Variants in C11orf65 observed in about 807,000 individuals in gnomAD.
The protein encoded by C11orf65 is protein MFI.
In C11orf65, 38 loss-of-function variants were observed where a neutral mutation model predicts 35.3. The observed-to-expected ratio is 1.08, with a 90% confidence interval of 0.83 to 1.41. The LOEUF (loss-of-function observed/expected upper bound fraction) is 1.41, where lower values mean the gene tolerates loss of function less well. C11orf65 is among the 40% of genes most tolerant of loss of function. The probability of loss-of-function intolerance (pLI) is 0.00; values close to 1 mark genes in which losing one functional copy is unlikely to be tolerated. For synonymous variants in C11orf65, 105 were observed against 114.4 expected, an observed-to-expected ratio of 0.92 and a Z score of 0.53; for missense variants, 370 against 367.1, an observed-to-expected ratio of 1.01 and a Z score of -0.06.
chr11:108,409,759 GCAA>G (rs1409649552), intron 3 of C11orf65, among the ~76,000 whole-genome samples: 2 of 152,170 alleles, frequency 1.3e-5, no homozygotes, highest in Middle Eastern at 3.2e-3. Flanking sequence ...CAGATCAGCA[GCAA>G]CATTAGATTC....
chr11:108,325,666 T>C, intron 6 of C11orf65: 1 of 874,272 alleles, frequency 1.1e-6, no homozygotes, highest in Non-Finnish European at 1.7e-6. Flanking sequence ...TAATATATAG[T>C]AAAAATAATT....
intron 2 of C11orf65, among the ~76,000 whole-genome samples, chr11:108,372,433 T>C (rs1162918114): frequency 1.3e-5 from 2 of 152,222 alleles, no homozygotes; most frequent in Non-Finnish European, 2.9e-5. Flanking sequence ...ACCTCAGTGA[T>C]ATGCCCGCCT....
intron 3 of C11orf65, among the ~76,000 whole-genome samples, chr11:108,413,308 C>G (rs546027423): frequency 5.3e-5 from 8 of 152,116 alleles, no homozygotes; most frequent in African/African-American, 1.9e-4. Context: ...TACATTGTAT[C>G]CATTAACTAA....
rs369945824 is a variant in C11orf65 at position 108,406,984 on chromosome 11, A to G, written c.229-21T>C. ...TTAACCTGTAGAAGGAAAAGTTCAA[A>G]GAGCCATTGTAATGTAACTACAAAA... On this transcript the variant is annotated intron_variant, in intron 4 of 8. Coordinates refer to ENST00000393084, the MANE Select transcript of C11orf65 (RefSeq NM_152587.5). 83 of 1,586,298 alleles carry G rather than the reference A, an allele frequency of 5.2e-5. No homozygotes were observed. In the African/African-American group the frequency reaches 1.1e-3, roughly 21 times the overall value.
At chr11:108,466,356 C>A (rs1471570442) in intron 1 of C11orf65, among the ~76,000 whole-genome samples, 1 of 152,088 alleles carries the variant, frequency 6.6e-6, no homozygotes, top group Non-Finnish European at 1.5e-5. Flanking sequence ...GGCAGATCAC[C>A]TTAAGTCAGG....
chr11:108,414,247 T>C (rs1376358715), intron 3 of C11orf65, among the ~76,000 whole-genome samples: 4 of 152,060 alleles, frequency 2.6e-5, no homozygotes, highest in Non-Finnish European at 4.4e-5. Flanking sequence ...TCTAATTGAA[T>C]ACTTTATTGT....
chr11:108,348,239 TTAATA>T (rs1420250913), intron 2 of C11orf65, among the ~76,000 whole-genome samples: 3 of 151,756 alleles, frequency 2.0e-5, no homozygotes, highest in African/African-American at 4.8e-5. Flanking sequence ...TATAGACAGT[TTAATA>T]TAAAAGAAAG....
At chr11:108,370,620 T>G (rs953910992) in intron 2 of C11orf65, among the ~76,000 whole-genome samples, 1 of 151,414 alleles carries the variant, frequency 6.6e-6, no homozygotes, top group Non-Finnish European at 1.5e-5. Context: ...GGGTTTTGTT[T>G]TGTTTTTTTT....
intron 3 of C11orf65, among the ~76,000 whole-genome samples, chr11:108,430,084 G>A (rs1188803026): frequency 6.6e-6 from 1 of 151,106 alleles, no homozygotes. Context: ...GTTGGTGATG[G>A]TTACACACAT....
chr11:108,321,534 G>T, intron 6 of C11orf65: 2 of 1,493,672 alleles, frequency 1.3e-6, no homozygotes, highest in African/African-American at 1.4e-5. Context: ...TGTAATCCTA[G>T]CACTTTAGAA....
rs1262227292 is a variant in C11orf65, at chr11:108,431,856, A to G, written c.82-18T>C. ...GCGACATTCTAAAGGTTCAAACACA[A>G]GATTTCATGATCAAAACTGGATTTT... On this transcript the variant is annotated intron_variant, in intron 2 of 8. Transcript: ENST00000393084. 1 of 1,389,828 alleles carries G rather than the reference A, an allele frequency of 7.2e-7. No homozygotes were observed. Among genetic ancestry groups the G allele is most frequent in the Non-Finnish European group, 9.8e-7 (1 of 1,022,800 alleles). 86.1% of individuals were successfully genotyped at this position (1,389,828 alleles called of 1,614,324 possible).
rs2136317245 is a variant in C11orf65, at chr11:108,325,504, T to C, written c.641-16433A>G. The stretch of plus-strand genomic sequence containing the variant: ...AAGGACATTCTCACCAAACACCTTG[T>C]AGAACTCTCTATACTGGCCAGAACT... On this transcript the variant is annotated intron_variant, in intron 6 of 6. Coordinates refer to the C11orf65 transcript ENST00000525729. The C allele has an allele frequency of 1.2e-6, 2 of 1,612,930 alleles. No homozygotes were observed. The highest frequency in any genetic ancestry group is 3.3e-4 in the Middle Eastern group (2 of 6,060).
chr11:108,346,087 T>C (rs554675388), intron 2 of C11orf65, among the ~76,000 whole-genome samples: 18 of 152,292 alleles, frequency 1.2e-4, no homozygotes, highest in African/African-American at 4.3e-4. Context: ...TGATTCTTAG[T>C]GTCTACCTTT....
At chr11:108,431,909 C>G (rs2092995788) in intron 2 of C11orf65, 71 bp from the exon 3 acceptor site, 1 of 888,320 alleles carries the variant, frequency 1.1e-6, no homozygotes, top group Non-Finnish European at 1.7e-6. Context: ...TTTGTCTAAT[C>G]AGGGCAAAAA....
rs587782264 is a variant in C11orf65 at position 108,353,836 on chromosome 11, T to G, written c.227-18544A>C. 2 of 1,613,964 alleles carry G rather than the reference T, an allele frequency of 1.2e-6. No individual in the cohort carries two copies. The highest frequency in any genetic ancestry group is 1.7e-5 in the Admixed American group (1 of 59,998). On this transcript the variant is annotated intron_variant, in intron 2 of 3. Coordinates refer to the C11orf65 transcript ENST00000524755. ...TTCCTTTTAGACTCACCAGAGATAT[T>G]GTGGATGGCATGGGCATTACGGGTG...
At chr11:108,433,060 A>G (rs1009664950) in intron 2 of C11orf65, among the ~76,000 whole-genome samples, 4 of 152,014 alleles carry the variant, frequency 2.6e-5, no homozygotes, top group Non-Finnish European at 4.4e-5. Context: ...TCACCCACAT[A>G]TCAGGGTCTT....
At position 108,353,807 on chromosome 11, in the gene C11orf65, A is replaced by C. The variant is rs1555142833; in HGVS notation, c.227-18515T>G. The C allele has an allele frequency of 6.2e-7, 1 of 1,614,120 alleles. No individual in the cohort carries two copies. Among genetic ancestry groups the C allele is most frequent in the East Asian group, 2.2e-5 (1 of 44,882 alleles). On this transcript the variant is annotated intron_variant, in intron 2 of 3. Transcript: ENST00000524755. ...GGGCAAAATCCTTCCTACTCCTGAGACAGTTCCTTTTAGACTCACCAGAGA... is the reference window on the plus strand; with the variant it reads ...GGGCAAAATCCTTCCTACTCCTGAGCCAGTTCCTTTTAGACTCACCAGAGA...
Position 108,326,200 on chromosome 11 carries a change from A to C in C11orf65, c.641-17129T>G, listed in dbSNP as rs750285816. On this transcript the variant is annotated intron_variant, in intron 6 of 6. Transcript: ENST00000525729. ...CTGAGTATTCTCAAGCAAATGATCA[A>C]GAAGTTGGATGCCAGCTGTGCAGCG... The C allele has an allele frequency of 6.2e-7, 1 of 1,614,146 alleles. No homozygotes were observed. The highest frequency in any genetic ancestry group is 8.5e-7 in the Non-Finnish European group (1 of 1,180,016).
chr11:108,336,156 A>G (rs980289231), intron 2 of C11orf65: 8 of 493,744 alleles, frequency 1.6e-5, no homozygotes, highest in African/African-American at 5.9e-5. Flanking sequence ...AAAAAAAAAA[A>G]GCCAGAGATG....
Sources: allele counts gnomAD v4.1 joint callset (sites outside exome capture counted in the v4.1 genomes callset), GRCh38; gene constraint gnomAD v4.1.1; transcripts MANE v1.5; gene names NCBI Gene and HGNC (gene_info 2026-07-23, HGNC 2026-07-21).